Variants in IGSF10 observed in about 807,000 individuals in gnomAD.
The protein encoded by IGSF10 is calvaria mechanical force protein 608.
Under a neutral mutation model 128.2 loss-of-function variants are expected in IGSF10, and 126 were observed. That is an observed-to-expected ratio of 0.98 (90% CI 0.85 to 1.14). The LOEUF (loss-of-function observed/expected upper bound fraction) is 1.14. Ranked by LOEUF, IGSF10 falls within the 50% of genes most tolerant of loss-of-function variation. The probability of loss-of-function intolerance (pLI) is 0.00; values close to 1 mark genes in which losing one functional copy is unlikely to be tolerated. For missense variants in IGSF10, 3,295 were observed against 3,149.8 expected (o/e 1.05, Z -1.10); for synonymous variants, 1,185 against 1,146.2 (o/e 1.03, Z -0.68).
At chr3:151,606,359 T>G in the IGSF10 span, among the ~76,000 whole-genome samples, 1 of 152,346 alleles carries the variant, frequency 6.6e-6, no homozygotes, top group Non-Finnish European at 1.5e-5. Flanking sequence ...CTTTTCGTTA[T>G]GCAAATTTCA....
chr3:151,476,439 T>C, the IGSF10 span, among the ~76,000 whole-genome samples: 1 of 152,130 alleles, frequency 6.6e-6, no homozygotes, highest in Non-Finnish European at 1.5e-5. Context: ...TATAGTCTCC[T>C]ATAAACAGGA....
the IGSF10 span, among the ~76,000 whole-genome samples, chr3:151,480,257 G>A: frequency 6.6e-6 from 1 of 151,968 alleles, no homozygotes; most frequent in African/African-American, 2.4e-5. Context: ...AGAAATCCAG[G>A]ATGCTGCATG....
At chr3:151,588,007 G>A in the IGSF10 span, among the ~76,000 whole-genome samples, 1 of 152,162 alleles carries the variant, frequency 6.6e-6, no homozygotes, top group Non-Finnish European at 1.5e-5. Flanking sequence ...CGTGAAAATG[G>A]ACTAATAAAA....
the IGSF10 span, among the ~76,000 whole-genome samples, chr3:151,522,914 G>A: frequency 6.6e-6 from 1 of 152,094 alleles, no homozygotes; most frequent in Non-Finnish European, 1.5e-5. Context: ...CAGATGACAT[G>A]ATTCTTTATC....
Position 151,449,105 on chromosome 3 carries a change from G to A in IGSF10, c.876C>T (p.Ser292=), listed in dbSNP as rs748961000. 2 of 1,614,140 alleles carry A rather than the reference G, an allele frequency of 1.2e-6. No individual in the cohort carries two copies. Among genetic ancestry groups the A allele is most frequent in the East Asian group, 2.2e-5 (1 of 44,894 alleles). Residue 292 remains serine (S), a synonymous_variant, in exon 6 of 8, where the codon AGC becomes AGT. Transcript: ENST00000282466. ...AACTACTGTCTTCCAGAATAGTCAG[G>A]CTCTTTGATTTCAGGGATGAGTCAA... ...PTIDSSLKSK[S]LTILEDSSSA...
chr3:151,575,859 C>A, the IGSF10 span, among the ~76,000 whole-genome samples: 4 of 152,164 alleles, frequency 2.6e-5, no homozygotes, highest in East Asian at 3.9e-4. Context: ...CATCTTGGAA[C>A]AGACCCCTAT....
downstream of IGSF10, chr3:151,435,739 G>T (rs905942870): frequency 6.6e-6 from 1 of 152,058 alleles, no homozygotes; most frequent in Non-Finnish European, 1.5e-5. Context: ...AATTCAGGTT[G>T]AATTAAGCAT....
chr3:151,530,539 G>C, the IGSF10 span, among the ~76,000 whole-genome samples: 1 of 152,222 alleles, frequency 6.6e-6, no homozygotes, highest in Non-Finnish European at 1.5e-5. Context: ...CCAGAAGAGA[G>C]TGGGGGGCAG....
chr3:151,619,142 A>G, the IGSF10 span, among the ~76,000 whole-genome samples: 1 of 152,276 alleles, frequency 6.6e-6, no homozygotes, highest in Admixed American at 6.5e-5. Context: ...CCAAACATAC[A>G]AAAGTATGGA....
the IGSF10 span, among the ~76,000 whole-genome samples, chr3:151,512,087 T>C: frequency 6.6e-6 from 1 of 152,226 alleles, no homozygotes; most frequent in Non-Finnish European, 1.5e-5. Context: ...TATCCAAGAA[T>C]TGAACTCAGC....
chr3:151,545,488 A>G, the IGSF10 span, among the ~76,000 whole-genome samples: 3 of 152,306 alleles, frequency 2.0e-5, no homozygotes, highest in South Asian at 6.2e-4. Context: ...TAGGCTTTCT[A>G]TCACTTCCAT....
chr3:151,553,618 CTG>C, the IGSF10 span, among the ~76,000 whole-genome samples: 4 of 146,422 alleles, frequency 2.7e-5, no homozygotes, highest in African/African-American at 1.0e-4. Flanking sequence ...CTCTGTGTCT[CTG>C]TCTCTCTCTC....
the IGSF10 span, among the ~76,000 whole-genome samples, chr3:151,483,510 G>A: frequency 2.0e-5 from 3 of 152,062 alleles, no homozygotes; most frequent in Non-Finnish European, 2.9e-5. Context: ...GAAAAGAGGG[G>A]GGATTGCTGG....
the IGSF10 span, among the ~76,000 whole-genome samples, chr3:151,526,589 T>C: frequency 6.6e-6 from 1 of 152,146 alleles, no homozygotes; most frequent in African/African-American, 2.4e-5. Context: ...TTCTGATTCA[T>C]GGTTTCTCTT....
chr3:151,497,201 T>C, the IGSF10 span, among the ~76,000 whole-genome samples: 1 of 152,230 alleles, frequency 6.6e-6, no homozygotes, highest in Non-Finnish European at 1.5e-5. Context: ...TTGTCAATTT[T>C]GGCTTTTGTT....
At chr3:151,604,670 T>TA in the IGSF10 span, among the ~76,000 whole-genome samples, 1 of 151,860 alleles carries the variant, frequency 6.6e-6, no homozygotes, top group Non-Finnish European at 1.5e-5. Flanking sequence ...ATTTTTACTG[T>TA]CCTCAAAACC....
the IGSF10 span, among the ~76,000 whole-genome samples, chr3:151,524,469 C>CT: frequency 6.6e-6 from 1 of 152,182 alleles, no homozygotes; most frequent in African/African-American, 2.4e-5. Flanking sequence ...AAGATCATGT[C>CT]TTTTGCAGGA....
In IGSF10 at chr3:151,456,713, C is replaced by T. The variant is rs375250452; in HGVS notation, c.324+313G>A. Among the ~76,000 whole-genome samples the T allele has an allele frequency of 1.5e-4, 23 of 152,232 alleles. 1 individual carries two copies. In the South Asian group the frequency reaches 4.8e-3, roughly 32 times the overall value. The stretch of plus-strand genomic sequence containing the variant: ...CTAAGATAGTCATTACTTTTAGGAA[C>T]CACATTCAATTCCCAGATAAACATG... On this transcript the variant is annotated intron_variant, in intron 4 of 7. Coordinates refer to ENST00000282466, the MANE Select transcript of IGSF10 (RefSeq NM_178822.5).
the IGSF10 span, among the ~76,000 whole-genome samples, chr3:151,614,071 T>C: frequency 6.6e-6 from 1 of 152,082 alleles, no homozygotes. Context: ...CATGAAAAAA[T>C]GCTCATCATC....
Sources: gnomAD v4.1 joint callset for allele counts (sites outside exome capture counted in the v4.1 genomes callset) on GRCh38, gnomAD v4.1.1 for gene constraint, MANE v1.5 for transcripts, NCBI Gene and HGNC (gene_info 2026-07-23, HGNC 2026-07-21) for gene names.